The following KPNA3 variants were observed in gnomAD, a reference collection of about 807,000 sequenced individuals.
The protein encoded by KPNA3 is karyopherin subunit alpha 3, also known as importin subunit alpha-4.
In KPNA3, 13 loss-of-function variants were observed where a neutral mutation model predicts 73.8. That is an observed-to-expected ratio of 0.18 (90% CI 0.11 to 0.28). The LOEUF is 0.28. KPNA3 is among the 10% of genes least tolerant of loss of function. The pLI is 1.00. For missense variants in KPNA3, 360 were observed against 618.1 expected (o/e 0.58, Z 4.43); for synonymous variants, 186 against 206.9 (o/e 0.90, Z 0.87).
At position 49,792,582 on chromosome 13, in the gene KPNA3, G is replaced by GT; in HGVS notation, c.-77_-76insA. 1 of 650,822 alleles carries GT rather than the reference G, an allele frequency of 1.5e-6. No homozygotes were observed. The highest frequency in any genetic ancestry group is 1.7e-5 in the South Asian group (1 of 60,470). The allele number at this position is 650,822 out of a possible 1,614,324, so 40.3% of individuals were successfully genotyped here. On this transcript the variant is annotated 5_prime_UTR_variant, in exon 1 of 17. Transcript: ENST00000261667. ...GCGGCGAATCTTGGAGCGGGAGGGGGAGGAGGGGGAGAGCGGGAGGGGGGA... is the reference window on the plus strand; with the variant it reads ...GCGGCGAATCTTGGAGCGGGAGGGGGTAGGAGGGGGAGAGCGGGAGGGGGGA...
At chr13:49,791,021 A>C (rs1241306457) in intron 1 of KPNA3, among the ~76,000 whole-genome samples, 1 of 152,232 alleles carries the variant, frequency 6.6e-6, no homozygotes, top group Admixed American at 6.5e-5. Flanking sequence ...TTTCGCTTAG[A>C]TGTATTTCTT....
rs377544239 is a variant in KPNA3, at chr13:49,792,544, T to TGCGGCGGCGGCGGCGGCG, written c.-56_-39dup. 1.6e-6 allele frequency: 2 copies of TGCGGCGGCGGCGGCGGCG among 1,277,300 alleles called. No homozygotes were observed. Among genetic ancestry groups the TGCGGCGGCGGCGGCGGCG allele is most frequent in the African/African-American group, 3.5e-5 (2 of 57,668 alleles). 79.1% of individuals were successfully genotyped at this position (1,277,300 alleles called of 1,614,324 possible). On this transcript the variant is annotated 5_prime_UTR_variant, in exon 1 of 17. Coordinates refer to ENST00000261667, the MANE Select transcript of KPNA3 (RefSeq NM_002267.4). The stretch of plus-strand genomic sequence containing the variant: ...CTCCGGCGGCGGCTACTCCTGCGGC[T>TGCGGCGGCGGCGGCGGCG]GCGGCGGCGGCGGCGGCGAATCTTG...
intron 1 of KPNA3, among the ~76,000 whole-genome samples, chr13:49,787,507 CTTTA>C (rs931177488): frequency 3.5e-4 from 53 of 152,080 alleles, no homozygotes; most frequent in Non-Finnish European, 6.8e-4. Context: ...TAGCATCAAG[CTTTA>C]TTTGTTTGTT....
intron 3 of KPNA3, 77 bp downstream of exon 3, chr13:49,732,880 G>T: frequency 7.6e-7 from 1 of 1,320,458 alleles, no homozygotes. Flanking sequence ...TATAAAGTTG[G>T]TCTTATATTA....
At chr13:49,770,712 G>C (rs1954846453) in intron 1 of KPNA3, among the ~76,000 whole-genome samples, 2 of 150,948 alleles carry the variant, frequency 1.3e-5, no homozygotes, top group Non-Finnish European at 2.9e-5. Context: ...ACTGTGTAAG[G>C]CTCCAGTATT....
At position 49,701,882 on chromosome 13, in the gene KPNA3, C is replaced by A. The variant is rs1200412156; in HGVS notation, c.1484G>T (p.Cys495Phe). ...FSGDDIDEDP[C>F]LIPEATQGGT... is the part of the protein sequence containing the mutation. ...TCCTTGTGTTGCTTCAGGAATGAGGCAGGGATCTTCATCAATCTGTAAAAA... is the reference window on the plus strand; with the variant it reads ...TCCTTGTGTTGCTTCAGGAATGAGGAAGGGATCTTCATCAATCTGTAAAAA... Residue 495 changes from cysteine (C) to phenylalanine (F), a missense_variant, in exon 17 of 17, where the codon TGC (cysteine) becomes TTC (phenylalanine). By Grantham distance (205) the Cys-to-Phe change is radical (BLOSUM62 -2). Coordinates refer to ENST00000261667, the MANE Select transcript of KPNA3 (RefSeq NM_002267.4). 1 of 1,611,310 alleles carries A rather than the reference C, an allele frequency of 6.2e-7. No homozygotes were observed. Among genetic ancestry groups the A allele is most frequent in the Admixed American group, 1.7e-5 (1 of 59,994 alleles).
intron 12 of KPNA3, among the ~76,000 whole-genome samples, chr13:49,707,698 TAA>T (rs144789423): frequency 7.8e-4 from 114 of 146,642 alleles, no homozygotes; most frequent in African/African-American, 2.4e-3. Flanking sequence ...TTCATTTAGC[TAA>T]AAAAAAAAAA....
At chr13:49,711,229 A>G (rs1954257091) in intron 10 of KPNA3, among the ~76,000 whole-genome samples, 1 of 152,204 alleles carries the variant, frequency 6.6e-6, no homozygotes, top group Admixed American at 6.5e-5. Flanking sequence ...CTTCACAGAA[A>G]ATGAGACACA....
At chr13:49,704,419 A>T (rs1184786235) in intron 15 of KPNA3, among the ~76,000 whole-genome samples, 26 of 127,648 alleles carry the variant, frequency 2.0e-4, no homozygotes, top group East Asian at 4.8e-4. Context: ...TCTCAAAAAA[A>T]AAATAAATAA....
At chr13:49,738,285 T>C (rs373666692) in intron 2 of KPNA3, among the ~76,000 whole-genome samples, 15 of 152,350 alleles carry the variant, frequency 9.8e-5, no homozygotes, top group African/African-American at 2.9e-4. Context: ...AGCTTTCATA[T>C]TGCGTGAAGT....
At chr13:49,786,640 C>T (rs903919120) in intron 1 of KPNA3, among the ~76,000 whole-genome samples, 1 of 152,002 alleles carries the variant, frequency 6.6e-6, no homozygotes, top group South Asian at 2.1e-4. Context: ...AGAAGGCACA[C>T]AGAACAGCAT....
chr13:49,737,909 A>T (rs560110231), intron 2 of KPNA3, among the ~76,000 whole-genome samples: 1 of 152,238 alleles, frequency 6.6e-6, no homozygotes, highest in South Asian at 2.1e-4. Context: ...CACACAGCAA[A>T]ATTTTTAATT....
At chr13:49,773,241 G>A (rs944735895) in intron 1 of KPNA3, among the ~76,000 whole-genome samples, 3 of 152,172 alleles carry the variant, frequency 2.0e-5, no homozygotes, top group African/African-American at 7.2e-5. Flanking sequence ...AAGGGATATG[G>A]AGGAACTTTT....
intron 1 of KPNA3, among the ~76,000 whole-genome samples, chr13:49,792,140 G>C (rs779327472): frequency 6.6e-6 from 1 of 152,072 alleles, no homozygotes; most frequent in Non-Finnish European, 1.5e-5. Context: ...GCCCTGGCCC[G>C]CGGACCCCGC....
chr13:49,734,208 T>C (rs533290492), intron 2 of KPNA3, among the ~76,000 whole-genome samples: 10 of 152,240 alleles, frequency 6.6e-5, no homozygotes, highest in Non-Finnish European at 1.2e-4. Context: ...TGACATATAA[T>C]AGTTTTCCTA....
intron 13 of KPNA3, 23 bp from the exon 14 acceptor site, chr13:49,706,192 TA>T: frequency 1.2e-6 from 2 of 1,612,824 alleles, no homozygotes; most frequent in South Asian, 2.2e-5. Context: ...AATGAGATCA[TA>T]AAATGGACTC....
chr13:49,705,470 T>C (rs528772095), intron 15 of KPNA3, 151 bp downstream of exon 15: 122 of 833,922 alleles, frequency 1.5e-4, no homozygotes, highest in Admixed American at 2.7e-4. Context: ...CCTCTTGGAA[T>C]GCAAATATAG....
rs10675447 is a variant in KPNA3 at position 49,734,899 on chromosome 13, T to TTATATATA, written c.115-1861_115-1854dup. ...CCTTCTAATTTTGCAAATTTTGACT[T>TTATATATA]TATATATATATATATACACACACAT... On this transcript the variant is annotated intron_variant, in intron 2 of 16. Coordinates refer to ENST00000261667, the MANE Select transcript of KPNA3 (RefSeq NM_002267.4). Among the ~76,000 whole-genome samples the TTATATATA allele has an allele frequency of 8.7e-4, 125 of 143,674 alleles. 1 individual carries two copies. The East Asian group carries it at 0.022, about 25-fold the overall frequency. The allele number at this position is 143,674 out of a possible 152,430, so 94.3% of individuals were successfully genotyped here. A position where few individuals can be genotyped will look rare whatever the true frequency, so the allele number is the denominator to read the frequency against.
intron 10 of KPNA3, among the ~76,000 whole-genome samples, chr13:49,711,557 C>A (rs1954260724): frequency 6.6e-6 from 1 of 152,210 alleles, no homozygotes. Context: ...TGAAAATCTC[C>A]TGAAATGTGT....
Sources: allele counts gnomAD v4.1 joint callset (sites outside exome capture counted in the v4.1 genomes callset), GRCh38; gene constraint gnomAD v4.1.1; transcripts MANE v1.5; gene names NCBI Gene and HGNC (gene_info 2026-07-23, HGNC 2026-07-21).